NDFIP2: variants seen among roughly 807,000 people sequenced by gnomAD.
NDFIP2 encodes the protein Nedd4 family interacting protein 2.
A neutral mutation model predicts 36.0 loss-of-function variants in NDFIP2; 19 were observed. The ratio of observed to expected loss-of-function variants is 0.53; its 90% CI spans 0.37 to 0.77. NDFIP2 has a LOEUF of 0.77. Among genes scored for constraint, NDFIP2 ranks in the 30% least tolerant of loss-of-function variants. The probability of loss-of-function intolerance (pLI) is 0.00; values close to 1 mark genes in which losing one functional copy is unlikely to be tolerated. For missense variants in NDFIP2, 446 were observed against 435.8 expected, an observed-to-expected ratio of 1.02 and a Z score of -0.21; for synonymous variants, 181 against 167.7, an observed-to-expected ratio of 1.08 and a Z score of -0.61.
chr13:79,532,538 A>G (rs1875056635), intron 2 of NDFIP2, among the ~76,000 whole-genome samples: 1 of 152,118 alleles, frequency 6.6e-6, no homozygotes, highest in Admixed American at 6.5e-5. Context: ...AGCAGTCTGT[A>G]TTTTCTATTG....
chr13:79,546,050 A>C (rs1465724065), intron 5 of NDFIP2, among the ~76,000 whole-genome samples: 1 of 152,186 alleles, frequency 6.6e-6, no homozygotes, highest in Non-Finnish European at 1.5e-5. Flanking sequence ...TTTAATGTGA[A>C]TTGACATCTA....
chr13:79,515,680 C>CTATT (rs1469989179), intron 1 of NDFIP2, among the ~76,000 whole-genome samples: 1 of 152,166 alleles, frequency 6.6e-6, no homozygotes, highest in Non-Finnish European at 1.5e-5. Flanking sequence ...CTGAGCAGCA[C>CTATT]TATTTAATGG....
chr13:79,499,453 G>C (rs1873571981), intron 1 of NDFIP2, among the ~76,000 whole-genome samples: 1 of 151,930 alleles, frequency 6.6e-6, no homozygotes, highest in Admixed American at 6.6e-5. Context: ...TTACACAGGA[G>C]TTGATTATTT....
chr13:79,517,156 C>T (rs1338334985), intron 1 of NDFIP2, among the ~76,000 whole-genome samples: 1 of 152,108 alleles, frequency 6.6e-6, no homozygotes, highest in Admixed American at 6.6e-5. Flanking sequence ...CTTTTCACCA[C>T]CCTGGTTGAT....
At chr13:79,496,890 A>G (rs1193821700) in intron 1 of NDFIP2, among the ~76,000 whole-genome samples, 1 of 151,244 alleles carries the variant, frequency 6.6e-6, no homozygotes, top group East Asian at 1.9e-4. Flanking sequence ...TACATTTTCT[A>G]TTTATCTGCT....
In NDFIP2 at chr13:79,543,636, T is replaced by C. The variant is rs1875545568; in HGVS notation, c.794T>C (p.Ile265Thr). The C allele has an allele frequency of 1.2e-6, 2 of 1,614,026 alleles. No individual in the cohort carries two copies. Among genetic ancestry groups the C allele is most frequent in the Non-Finnish European group, 1.7e-6 (2 of 1,179,932 alleles). ...TNTIAGRYGA[I>T]CGFGLSLIKW... ...ACCATAGCTGGAAGGTATGGTGCTA[T>C]CTGCGGATTTGGCCTTTCCTTGATC... Residue 265 changes from isoleucine (I) to threonine (T), a missense_variant, in exon 5 of 8, where the codon ATC (isoleucine) becomes ACC (threonine). Around this residue, in one of 2 missense-constraint regions of NDFIP2, gnomAD observed 77 missense variants for 131.0 expected, o/e 0.59. Transcript: ENST00000218652.
chr13:79,482,384 G>A (rs1468950587), intron 1 of NDFIP2, among the ~76,000 whole-genome samples: 1 of 151,868 alleles, frequency 6.6e-6, no homozygotes, highest in Non-Finnish European at 1.5e-5. Context: ...TGTGTATTCT[G>A]GTGGTGACGT....
At chr13:79,539,303 A>G (rs1875368758) in intron 3 of NDFIP2, among the ~76,000 whole-genome samples, 1 of 152,048 alleles carries the variant, frequency 6.6e-6, no homozygotes, top group South Asian at 2.1e-4. Context: ...TTTATTTTTG[A>G]TAATTATTGC....
At chr13:79,540,102 G>A (rs908057037) in intron 4 of NDFIP2, among the ~76,000 whole-genome samples, 8 of 152,152 alleles carry the variant, frequency 5.3e-5, no homozygotes, top group South Asian at 2.1e-4. Context: ...CTGTAGGAGC[G>A]TATAGAATGA....
chr13:79,539,550 C>G (rs1256847466), intron 3 of NDFIP2, 132 bp from the exon 4 acceptor site: 1 of 656,920 alleles, frequency 1.5e-6, no homozygotes, highest in African/African-American at 1.8e-5. Context: ...CTGTGCCAGA[C>G]ATTGTACTCA....
chr13:79,538,617 C>CT (rs758859022), intron 3 of NDFIP2, among the ~76,000 whole-genome samples: 43 of 152,326 alleles, frequency 2.8e-4, no homozygotes, highest in Non-Finnish European at 5.6e-4. Context: ...GACGGTCTCA[C>CT]TGTCGCCCAG....
chr13:79,490,334 A>G (rs1052674965), intron 1 of NDFIP2, among the ~76,000 whole-genome samples: 2 of 152,212 alleles, frequency 1.3e-5, no homozygotes, highest in African/African-American at 4.8e-5. Flanking sequence ...GACAGTGATC[A>G]CAGGGTATTA....
chr13:79,487,874 ACT>A (rs1338603655), intron 1 of NDFIP2, among the ~76,000 whole-genome samples: 4 of 152,004 alleles, frequency 2.6e-5, no homozygotes, highest in Non-Finnish European at 5.9e-5. Flanking sequence ...GAAGTTCTGT[ACT>A]CTCTCTAGTT....
intron 1 of NDFIP2, among the ~76,000 whole-genome samples, chr13:79,503,527 G>A (rs1427682615): frequency 6.6e-6 from 1 of 152,176 alleles, no homozygotes; most frequent in East Asian, 1.9e-4. Context: ...AATGAAAAAT[G>A]TTGAGGCCAG....
chr13:79,512,800 C>T (rs1874130363), intron 1 of NDFIP2, among the ~76,000 whole-genome samples: 1 of 152,182 alleles, frequency 6.6e-6, no homozygotes, highest in Admixed American at 6.5e-5. Context: ...CTTGCAGTCT[C>T]TGAATCTGTT....
Position 79,507,068 on chromosome 13 carries a change from G to A in NDFIP2, c.322-13742G>A, listed in dbSNP as rs986676135. Among the ~76,000 whole-genome samples the A allele has an allele frequency of 5.3e-5, 8 of 152,054 alleles. No individual in the cohort carries two copies. In the South Asian group the frequency reaches 8.3e-4, roughly 16 times the overall value. On this transcript the variant is annotated intron_variant, in intron 1 of 7. Transcript: ENST00000218652. ...AGATGAAGTTGAGTGCTGTTCATAC[G>A]TTTTGTCATCTCTTTCTTCAGTTCT... is the stretch of plus-strand genomic sequence containing the variant.
intron 2 of NDFIP2, 37 bp from the exon 3 acceptor site, chr13:79,533,286 G>A (rs1594855733): frequency 6.3e-7 from 1 of 1,578,786 alleles, no homozygotes; most frequent in Non-Finnish European, 8.6e-7. Flanking sequence ...AAATTAAATA[G>A]ATTTTATTGG....
chr13:79,495,520 A>G (rs750970072), intron 1 of NDFIP2, among the ~76,000 whole-genome samples: 6 of 151,940 alleles, frequency 3.9e-5, no homozygotes, highest in Non-Finnish European at 8.8e-5. Flanking sequence ...AAATACTTTC[A>G]GATGGCAAAA....
chr13:79,545,000 A>T (rs17071581), intron 5 of NDFIP2, among the ~76,000 whole-genome samples: 4,625 of 152,230 alleles, frequency 0.03, 243 homozygotes, highest in African/African-American at 0.11. Context: ...GGTTCCTAAC[A>T]CAAGTATAAA....
Sources: allele counts gnomAD v4.1 joint callset (sites outside exome capture counted in the v4.1 genomes callset), GRCh38; gene constraint gnomAD v4.1.1; regional missense constraint gnomAD v4.1.1; transcripts MANE v1.5; gene names NCBI Gene and HGNC (gene_info 2026-07-23, HGNC 2026-07-21).